Variants in AKAP5 observed in about 807,000 individuals in gnomAD.
AKAP5 encodes the protein A-kinase anchor protein 5.
AKAP5 carries 5 observed loss-of-function variants against 13.8 expected under a neutral mutation model. The observed-to-expected ratio is 0.36, with a 90% confidence interval of 0.19 to 0.76. AKAP5 has a LOEUF of 0.76. Among genes scored for constraint, AKAP5 ranks in the 30% least tolerant of loss-of-function variants. The pLI is 0.51. For synonymous variants in AKAP5, 148 were observed against 167.2 expected, an observed-to-expected ratio of 0.89 and a Z score of 0.89; for missense variants, 406 against 484.4, an observed-to-expected ratio of 0.84 and a Z score of 1.52.
Position 64,468,661 on chromosome 14 carries a change from G to T in AKAP5, c.267G>T (p.Arg89Ser). Residue 89 changes from arginine to serine, a missense_variant, in exon 2 of 2, where the codon AGG becomes AGT. Arg to Ser is a moderately radical substitution (Grantham distance 110, BLOSUM62 -1). Transcript: ENST00000394718. Reference sequence around the variant, plus strand: ...CACTCAAACGTCTTGTAACACGCAGGAAAAGGTCAGAGTCTTCAAAGCAGC... The same window carrying T: ...CACTCAAACGTCTTGTAACACGCAGTAAAAGGTCAGAGTCTTCAAAGCAGC... ...WASLKRLVTR[R>S]KRSESSKQQK... The T allele has an allele frequency of 6.2e-7, 1 of 1,614,006 alleles. No individual in the cohort carries two copies. The highest frequency in any genetic ancestry group is 8.5e-7 in the Non-Finnish European group (1 of 1,180,040).
Position 64,472,383 on chromosome 14 carries a change from T to C in AKAP5, c.*2705T>C, listed in dbSNP as rs532219992. On this transcript the variant is annotated 3_prime_UTR_variant, in exon 2 of 2. Coordinates refer to ENST00000394718, the MANE Select transcript of AKAP5 (RefSeq NM_004857.3). ...AAAAAGTATAGTACTTAGCAGTTAT[T>C]GGAAATATTTTGGGGGATTTTTAAA... is the stretch of plus-strand genomic sequence containing the variant. 1 of 167,198 alleles carries C rather than the reference T, an allele frequency of 6.0e-6. No individual in the cohort carries two copies. The highest frequency in any genetic ancestry group is 1.5e-5 in the Non-Finnish European group (1 of 68,092). 10.4% of individuals were successfully genotyped at this position (167,198 alleles called of 1,614,324 possible). A position where few individuals can be genotyped will look rare whatever the true frequency, so the allele number is the denominator to read the frequency against.
chr14:64,466,767 A>G (rs1420722836), intron 1 of AKAP5, among the ~76,000 whole-genome samples: 1 of 152,210 alleles, frequency 6.6e-6, no homozygotes, highest in Non-Finnish European at 1.5e-5. Context: ...GATTTACATA[A>G]AAACAATATA....
chr14:64,468,243 A>T lies in AKAP5; in HGVS notation c.-152A>T. 1 of 619,964 alleles carries T rather than the reference A, an allele frequency of 1.6e-6. No individual in the cohort carries two copies. Among genetic ancestry groups the T allele is most frequent in the South Asian group, 2.9e-5 (1 of 34,416 alleles). 38.4% of individuals were successfully genotyped at this position (619,964 alleles called of 1,614,324 possible). On this transcript the variant is annotated 5_prime_UTR_variant, in exon 2 of 2. Transcript: ENST00000394718. ...TGGGCATTTCTATACTAGAGAAACC[A>T]CCTAAAACAACTGTATGGAGTAAGA... is the stretch of plus-strand genomic sequence containing the variant.
rs184656281 is a variant in AKAP5, at chr14:64,472,897, C to G, written c.*3219C>G. On this transcript the variant is annotated 3_prime_UTR_variant, in exon 2 of 2. Transcript: ENST00000394718. ...AACATTAAAATAATTATTAGGAACACCACATGAATTTTCTTTACATTTGCT... is the reference window on the plus strand; with the variant it reads ...AACATTAAAATAATTATTAGGAACAGCACATGAATTTTCTTTACATTTGCT... 2 of 167,132 alleles carry G rather than the reference C, an allele frequency of 1.2e-5. No individual in the cohort carries two copies. The highest frequency in any genetic ancestry group is 4.8e-5 in the African/African-American group (2 of 41,550). 10.4% of individuals were successfully genotyped at this position (167,132 alleles called of 1,614,324 possible). A position where few individuals can be genotyped will look rare whatever the true frequency, so the allele number is the denominator to read the frequency against.
rs757031439 is a variant in AKAP5, at chr14:64,468,649, T to A, written c.255T>A (p.Leu85=). The change falls in exon 2 of 2, where the codon CTT becomes CTA. Residue 85 remains leucine, a synonymous_variant. Coordinates refer to ENST00000394718, the MANE Select transcript of AKAP5 (RefSeq NM_004857.3). ...GGGCCTGGGCCTCACTCAAACGTCT[T>A]GTAACACGCAGGAAAAGGTCAGAGT... is the stretch of plus-strand genomic sequence containing the variant. ...TRGAWASLKR[L]VTRRKRSESS... 1 of 1,613,918 alleles carries A rather than the reference T, an allele frequency of 6.2e-7. No individual in the cohort carries two copies. Among genetic ancestry groups the A allele is most frequent in the Admixed American group, 1.7e-5 (1 of 60,018 alleles).
In AKAP5 at chr14:64,469,816, G is replaced by C. The variant is rs1437159362; in HGVS notation, c.*138G>C. 5 of 638,606 alleles carry C rather than the reference G, an allele frequency of 7.8e-6. No individual in the cohort carries two copies. In the East Asian group the frequency reaches 1.2e-4, roughly 15 times the overall value. The allele number at this position is 638,606 out of a possible 1,614,324, so 39.6% of individuals were successfully genotyped here. On this transcript the variant is annotated 3_prime_UTR_variant, in exon 2 of 2. Transcript: ENST00000394718. ...AAAGGTACAATTCCAGCGCAGAAGT[G>C]CTAAAGATTAAGTCAAGTTTATAAA...
In AKAP5 at chr14:64,469,271, G is replaced by C. The variant is rs531409007; in HGVS notation, c.877G>C (p.Asp293His). The C allele has an allele frequency of 6.2e-7, 1 of 1,613,536 alleles. No individual in the cohort carries two copies. The highest frequency in any genetic ancestry group is 1.3e-5 in the African/African-American group (1 of 74,962). Reference sequence around the variant, plus strand: ...CCTAGAAAGTGCACCAAATGGAAAAGACTATGAAAGTACAGAGATTGTAGC... The same window carrying C: ...CCTAGAAAGTGCACCAAATGGAAAACACTATGAAAGTACAGAGATTGTAGC... ...STLESAPNGK[D>H]YESTEIVAEE... Residue 293 changes from aspartate (D) to histidine (H), a missense_variant, in exon 2 of 2, where the codon GAC (aspartate) becomes CAC (histidine). Transcript: ENST00000394718.
chr14:64,468,316 T>G lies in AKAP5; in HGVS notation c.-79T>G. On this transcript the variant is annotated 5_prime_UTR_variant, in exon 2 of 2. Transcript: ENST00000394718. Reference sequence around the variant, plus strand: ...AAGAAATTTTACCTAGTGTGACATTTTTGCTCATCTTTTTGTCACAAAAGG... The same window carrying G: ...AAGAAATTTTACCTAGTGTGACATTGTTGCTCATCTTTTTGTCACAAAAGG... The G allele has an allele frequency of 7.4e-7, 1 of 1,344,952 alleles. No individual in the cohort carries two copies. The highest frequency in any genetic ancestry group is 2.5e-5 in the East Asian group (1 of 40,312). The allele number at this position is 1,344,952 out of a possible 1,614,324, so 83.3% of individuals were successfully genotyped here.
Position 64,471,971 on chromosome 14 carries a change from T to G in AKAP5, c.*2293T>G, listed in dbSNP as rs910067864. 1.2e-5 allele frequency: 2 copies of G among 166,426 alleles called. No individual in the cohort carries two copies. Among genetic ancestry groups the G allele is most frequent in the Admixed American group, 6.5e-5 (1 of 15,294 alleles). The allele number at this position is 166,426 out of a possible 1,614,324, so 10.3% of individuals were successfully genotyped here. A position where few individuals can be genotyped will look rare whatever the true frequency, so the allele number is the denominator to read the frequency against. ...CATGGATATTATTAGCAAGATTCTT[T>G]GCTGAAGTGCAAAAATATTTCCCCC... On this transcript the variant is annotated 3_prime_UTR_variant, in exon 2 of 2. Coordinates refer to ENST00000394718, the MANE Select transcript of AKAP5 (RefSeq NM_004857.3).
In AKAP5 at chr14:64,470,259, A is replaced by G. The variant is rs1350565892; in HGVS notation, c.*581A>G. 1.8e-5 allele frequency: 3 copies of G among 167,126 alleles called. No individual in the cohort carries two copies. 10.4% of individuals were successfully genotyped at this position (167,126 alleles called of 1,614,324 possible). A position where few individuals can be genotyped will look rare whatever the true frequency, so the allele number is the denominator to read the frequency against. The stretch of plus-strand genomic sequence containing the variant: ...TAGTGTGCAGAATATGCATATTGAT[A>G]TTAAACGTGAGTGGTTTCCTAGTCT... On this transcript the variant is annotated 3_prime_UTR_variant, in exon 2 of 2. Coordinates refer to ENST00000394718, the MANE Select transcript of AKAP5 (RefSeq NM_004857.3).
chr14:64,467,119 T>C (rs2141002278), intron 1 of AKAP5: 1 of 152,338 alleles, frequency 6.6e-6, no homozygotes, highest in South Asian at 2.1e-4. Flanking sequence ...TTTTTACTAA[T>C]GAAACACTGC....
intron 1 of AKAP5, among the ~76,000 whole-genome samples, chr14:64,466,231 G>A (rs1432187679): frequency 1.3e-5 from 2 of 152,212 alleles, no homozygotes; most frequent in Non-Finnish European, 2.9e-5. Context: ...ACCCTTGCTG[G>A]TTAAGAGCGA....
At position 64,469,656 on chromosome 14, in the gene AKAP5, A is replaced by T; in HGVS notation, c.1262A>T (p.Lys421Ile). The T allele has an allele frequency of 6.3e-7, 1 of 1,590,454 alleles. No homozygotes were observed. The highest frequency in any genetic ancestry group is 1.2e-5 in the South Asian group (1 of 86,264). Reference sequence around the variant, plus strand: ...AATGAAATGGCCTCTGATGATAATAAAATAAACAATCTTCTACAGTGACTT... The same window carrying T: ...AATGAAATGGCCTCTGATGATAATATAATAAACAATCTTCTACAGTGACTT... The part of the protein sequence containing the change: ...LVNEMASDDN[K>I]INNLLQ Residue 421 changes from lysine to isoleucine, a missense_variant, in exon 2 of 2, where the codon AAA becomes ATA. Coordinates refer to ENST00000394718, the MANE Select transcript of AKAP5 (RefSeq NM_004857.3).
In AKAP5 at chr14:64,471,671, T is replaced by C. The variant is rs1488375991; in HGVS notation, c.*1993T>C. 3 of 166,950 alleles carry C rather than the reference T, an allele frequency of 1.8e-5. No homozygotes were observed. The highest frequency in any genetic ancestry group is 4.4e-5 in the Non-Finnish European group (3 of 68,104). The allele number at this position is 166,950 out of a possible 1,614,324, so 10.3% of individuals were successfully genotyped here. ...AGGATTCAAAGTGTGTATTCCCCCATTGTGTAAATTGAGTGATTGTGTTAC... is the reference window on the plus strand; with the variant it reads ...AGGATTCAAAGTGTGTATTCCCCCACTGTGTAAATTGAGTGATTGTGTTAC... On this transcript the variant is annotated 3_prime_UTR_variant, in exon 2 of 2. Transcript: ENST00000394718.
rs1462634193 is a variant in AKAP5, at chr14:64,469,703, AAAAAC to A, written c.*28_*32del. On this transcript the variant is annotated 3_prime_UTR_variant, in exon 2 of 2. Transcript: ENST00000394718. ...ACTTACTCTCCAGAGTCACGGCAGA[AAAAAC>A]AAGCTTAATGAAGAATTCTTTTATA... 6.8e-7 allele frequency: 1 copy of A among 1,479,972 alleles called. No homozygotes were observed. The highest frequency in any genetic ancestry group is 2.4e-5 in the Admixed American group (1 of 41,338). The allele number at this position is 1,479,972 out of a possible 1,614,324, so 91.7% of individuals were successfully genotyped here. A position where few individuals can be genotyped will look rare whatever the true frequency, so the allele number is the denominator to read the frequency against.
Position 64,469,060 on chromosome 14 carries a change from T to C in AKAP5, c.666T>C (p.Ala222=). 6.2e-7 allele frequency: 1 copy of C among 1,614,124 alleles called. No homozygotes were observed. The highest frequency in any genetic ancestry group is 2.2e-5 in the East Asian group (1 of 44,878). ...VELGLDNGHS[A]IQTGTLILEE... is the part of the protein sequence containing the mutation. ...TTGGATTAGATAATGGGCATTCTGC[T>C]ATTCAAACGGGAACTCTAATCCTTG... The change falls in exon 2 of 2, where the codon GCT becomes GCC. Residue 222 remains alanine (A), a synonymous_variant. Transcript: ENST00000394718.
Position 64,468,777 on chromosome 14 carries a change from C to T in AKAP5, c.383C>T (p.Pro128Leu), listed in dbSNP as rs746267279. The T allele has an allele frequency of 8.1e-6, 13 of 1,614,138 alleles. No individual in the cohort carries two copies. The highest frequency in any genetic ancestry group is 1.0e-5 in the Non-Finnish European group (12 of 1,180,032). ...KKKAKSRLKI[P>L]CIKFPRGPKR... The stretch of plus-strand genomic sequence containing the variant: ...AAGGCAAAATCTAGACTTAAGATTC[C>T]CTGCATAAAATTCCCAAGAGGGCCA... The change falls in exon 2 of 2, where the codon CCC becomes CTC. Residue 128 changes from proline to leucine, a missense_variant. Transcript: ENST00000394718.
rs1267346521 is a variant in AKAP5 at position 64,472,790 on chromosome 14, A to G, written c.*3112A>G. On this transcript the variant is annotated 3_prime_UTR_variant, in exon 2 of 2. Coordinates refer to ENST00000394718, the MANE Select transcript of AKAP5 (RefSeq NM_004857.3). ...CAGAGTCATAAAATATTTTTCTTGT[A>G]ATAGTATTTAAGCAATTTGACCTTA... 6.0e-6 allele frequency: 1 copy of G among 166,872 alleles called. No homozygotes were observed. Among genetic ancestry groups the G allele is most frequent in the Admixed American group, 6.5e-5 (1 of 15,278 alleles). The allele number at this position is 166,872 out of a possible 1,614,324, so 10.3% of individuals were successfully genotyped here. A position where few individuals can be genotyped will look rare whatever the true frequency, so the allele number is the denominator to read the frequency against.
At chr14:64,467,324 T>C (rs752737664) in intron 1 of AKAP5, 2 of 152,226 alleles carry the variant, frequency 1.3e-5, no homozygotes, top group African/African-American at 2.4e-5. Context: ...ATTAGAGATG[T>C]ATGTAAAAGT....
Sources: allele counts gnomAD v4.1 joint callset (sites outside exome capture counted in the v4.1 genomes callset), GRCh38; gene constraint gnomAD v4.1.1; transcripts MANE v1.5; gene names NCBI Gene and HGNC (gene_info 2026-07-23, HGNC 2026-07-21).